Variants in CMTR1 observed in about 807,000 individuals in gnomAD.
CMTR1 encodes the protein cap-specific mRNA (nucleoside-2'-O-)-methyltransferase 1.
Under a neutral mutation model 107.0 loss-of-function variants are expected in CMTR1, and 39 were observed. The observed-to-expected ratio is 0.36, with a 90% CI of 0.28 to 0.48. The LOEUF (loss-of-function observed/expected upper bound fraction) is 0.48, where lower values mean the gene tolerates loss of function less well. Ranked by LOEUF, CMTR1 falls within the 20% of genes least tolerant of loss-of-function variation. CMTR1 has a pLI of 0.99. For synonymous variants in CMTR1, 366 were observed against 379.5 expected (o/e 0.96, Z 0.41); for missense variants, 672 against 1,064.9 (o/e 0.63, Z 5.14).
intron 8 of CMTR1, among the ~76,000 whole-genome samples, chr6:37,456,345 A>G (rs1400030999): frequency 2.0e-5 from 3 of 152,256 alleles, no homozygotes; most frequent in Admixed American, 2.0e-4. Flanking sequence ...CTCAGGAACA[A>G]AGAATGCTGG....
chr6:37,428,488 C>T (rs1176884835), upstream of CMTR1, among the ~76,000 whole-genome samples: 1 of 152,096 alleles, frequency 6.6e-6, no homozygotes, highest in Non-Finnish European at 1.5e-5. Flanking sequence ...GATGGAGTCT[C>T]ACTCTGTCAC....
chr6:37,444,365 G>C (rs891708946), intron 3 of CMTR1, among the ~76,000 whole-genome samples: 7 of 152,200 alleles, frequency 4.6e-5, no homozygotes, highest in Admixed American at 4.6e-4. Flanking sequence ...TGTTTCTGCT[G>C]TTCTATCTGG....
At chr6:37,464,730 C>T (rs947524125) in intron 13 of CMTR1, among the ~76,000 whole-genome samples, 2 of 151,842 alleles carry the variant, frequency 1.3e-5, no homozygotes, top group Non-Finnish European at 2.9e-5. Flanking sequence ...GAGATATTTC[C>T]AGTTTGGGGC....
chr6:37,451,902 A>T, intron 6 of CMTR1, 25 bp downstream of exon 6: 1 of 1,593,148 alleles, frequency 6.3e-7, no homozygotes, highest in African/African-American at 1.3e-5. Context: ...CTAGAACCAG[A>T]TAATGAAAAC....
At chr6:37,429,164 AC>A (rs1771332444), upstream of CMTR1, among the ~76,000 whole-genome samples, 1 of 150,946 alleles carries the variant, frequency 6.6e-6, no homozygotes, top group Non-Finnish European at 1.5e-5. Context: ...GGCTTCCTCC[AC>A]CCCCATCATC....
At chr6:37,460,083 G>A (rs182701422) in intron 10 of CMTR1, among the ~76,000 whole-genome samples, 15 of 152,310 alleles carry the variant, frequency 9.8e-5, no homozygotes, top group Middle Eastern at 3.4e-3. Context: ...AGGCACAGAG[G>A]GAAGCCCATT....
chr6:37,443,911 GA>G, intron 2 of CMTR1, 87 bp from the exon 3 acceptor site: 1 of 1,433,534 alleles, frequency 7.0e-7, no homozygotes, highest in East Asian at 2.3e-5. Context: ...TGTGTATACT[GA>G]ACAGTAGTTG....
intron 4 of CMTR1, among the ~76,000 whole-genome samples, chr6:37,446,867 C>T (rs1241704336): frequency 6.6e-6 from 1 of 152,152 alleles, no homozygotes; most frequent in Non-Finnish European, 1.5e-5. Context: ...TAAGAAGATC[C>T]TTGTACTTCC....
rs756816742 is a variant in CMTR1, at chr6:37,475,411, C to A, written c.2035C>A (p.Arg679=). Reference sequence around the variant, plus strand: ...CGTTCGGGAGCAGCACTTTAACCAGCGGTCTGACCTGGGCCCCAGGGTAGG... The same window carrying A: ...CGTTCGGGAGCAGCACTTTAACCAGAGGTCTGACCTGGGCCCCAGGGTAGG... ...TDVREQHFNQ[R]IQLAEKFVKA... is the part of the protein sequence containing the mutation. The change falls in exon 19 of 24, where the codon CGA becomes AGA. Residue 679 remains arginine, a splice_region_variant and synonymous_variant. Transcript: ENST00000373451. 3.6e-6 allele frequency: 5 copies of A among 1,379,812 alleles called. No individual in the cohort carries two copies. The highest frequency in any genetic ancestry group is 5.0e-6 in the Non-Finnish European group (5 of 1,002,706). The allele number at this position is 1,379,812 out of a possible 1,614,324, so 85.5% of individuals were successfully genotyped here.
chr6:37,433,559 G>A (rs772905089), intron 1 of CMTR1, among the ~76,000 whole-genome samples, 182 bp downstream of exon 1: 2 of 152,148 alleles, frequency 1.3e-5, no homozygotes, highest in Non-Finnish European at 2.9e-5. Context: ...CCGAGCTGCC[G>A]CTGACACACG....
intron 13 of CMTR1, among the ~76,000 whole-genome samples, chr6:37,467,615 A>G (rs766958749): frequency 6.6e-6 from 1 of 152,186 alleles, no homozygotes; most frequent in Non-Finnish European, 1.5e-5. Flanking sequence ...AGTTTTGTCA[A>G]TTCTTCAGCT....
the CMTR1 span, among the ~76,000 whole-genome samples, chr6:37,424,540 C>A: frequency 3.2e-4 from 48 of 152,154 alleles, no homozygotes; most frequent in East Asian, 7.3e-3. Context: ...AGCCACCGCG[C>A]CCGGCCTAGT....
chr6:37,438,784 T>C (rs1312225315), intron 2 of CMTR1, among the ~76,000 whole-genome samples: 1 of 152,226 alleles, frequency 6.6e-6, no homozygotes, highest in Non-Finnish European at 1.5e-5. Context: ...ATATCACCTA[T>C]GTTCTGTATC....
At chr6:37,478,919 G>C (rs529769646) in intron 22 of CMTR1, among the ~76,000 whole-genome samples, 9 of 152,326 alleles carry the variant, frequency 5.9e-5, no homozygotes, top group African/African-American at 2.2e-4. Context: ...TTACCCTGAT[G>C]GAGGGTTGGC....
At chr6:37,478,964 G>A (rs569557554) in intron 22 of CMTR1, among the ~76,000 whole-genome samples, 183 bp from the exon 23 acceptor site, 30 of 152,310 alleles carry the variant, frequency 2.0e-4, no homozygotes, top group African/African-American at 6.3e-4. Context: ...AGAAGTCATC[G>A]CGTAGTCATT....
chr6:37,439,007 A>T (rs1364558010), intron 2 of CMTR1, among the ~76,000 whole-genome samples: 1 of 152,206 alleles, frequency 6.6e-6, no homozygotes, highest in East Asian at 1.9e-4. Flanking sequence ...AACAGTAGTT[A>T]CTATTTCTGT....
intron 5 of CMTR1, 81 bp downstream of exon 5, chr6:37,450,424 C>T: frequency 1.9e-6 from 2 of 1,037,584 alleles, no homozygotes; most frequent in South Asian, 1.3e-5. Flanking sequence ...TTTACATACA[C>T]TTGCAGTTTA....
Position 37,471,151 on chromosome 6 carries a change from G to T in CMTR1, c.1562+74G>T. The T allele has an allele frequency of 2.2e-6, 3 of 1,357,500 alleles. No individual in the cohort carries two copies. The South Asian group carries it at 4.0e-5, about 18-fold the overall frequency. 84.1% of individuals were successfully genotyped at this position (1,357,500 alleles called of 1,614,324 possible). On this transcript the variant is annotated intron_variant, in intron 14 of 23. Coordinates refer to ENST00000373451, the MANE Select transcript of CMTR1 (RefSeq NM_015050.3). ...TGCTTTTCCTCCCCACAAGCTGTTT[G>T]TTTTTTTCATTTCAACAAACATTTT...
chr6:37,446,504 G>A, intron 4 of CMTR1, 55 bp downstream of exon 4: 1 of 1,564,850 alleles, frequency 6.4e-7, no homozygotes, highest in Non-Finnish European at 8.6e-7. Context: ...TTGGATGCAT[G>A]GCTTTAAGAA....
Sources: gnomAD v4.1 joint callset for allele counts (sites outside exome capture counted in the v4.1 genomes callset) on GRCh38, gnomAD v4.1.1 for gene constraint, MANE v1.5 for transcripts, NCBI Gene and HGNC (gene_info 2026-07-23, HGNC 2026-07-21) for gene names.